Variants in CFAP299 observed in about 807,000 individuals in gnomAD.
CFAP299 encodes cilia and flagella associated protein 299, also known as cilia- and flagella-associated protein 299.
Under a neutral mutation model 27.0 loss-of-function variants are expected in CFAP299, and 21 were observed. The ratio of observed to expected loss-of-function variants is 0.78; its 90% CI spans 0.55 to 1.12. The LOEUF is 1.12. CFAP299 is among the 50% of genes most tolerant of loss of function. The pLI, the probability that CFAP299 is intolerant of heterozygous loss-of-function variation, is 0.00. For synonymous variants in CFAP299, 104 were observed against 98.1 expected, an observed-to-expected ratio of 1.06 and a Z score of -0.36; for missense variants, 310 against 276.6, an observed-to-expected ratio of 1.12 and a Z score of -0.86.
intron 3 of CFAP299, among the ~76,000 whole-genome samples, chr4:80,792,669 T>G (rs1727638197): frequency 6.6e-6 from 1 of 152,152 alleles, no homozygotes; most frequent in Non-Finnish European, 1.5e-5. Flanking sequence ...TTTATATTCT[T>G]GCATCAACAA....
At chr4:80,343,050 A>G (rs1722531538) in intron 1 of CFAP299, among the ~76,000 whole-genome samples, 1 of 152,258 alleles carries the variant, frequency 6.6e-6, no homozygotes, top group South Asian at 2.1e-4. Flanking sequence ...AGCAGACTTT[A>G]AAACAACAAA....
At chr4:80,410,417 G>A (rs1269093962) in intron 2 of CFAP299, among the ~76,000 whole-genome samples, 1 of 152,200 alleles carries the variant, frequency 6.6e-6, no homozygotes. Context: ...CTATGCATGT[G>A]TTTTTCACCC....
chr4:80,350,552 T>C (rs191039926), intron 1 of CFAP299, among the ~76,000 whole-genome samples: 221 of 152,198 alleles, frequency 1.5e-3, no homozygotes, highest in African/African-American at 4.9e-3. Flanking sequence ...ACCAATGATA[T>C]ACTGGATAAA....
chr4:80,751,095 T>C (rs1724904473), intron 3 of CFAP299, among the ~76,000 whole-genome samples: 1 of 152,160 alleles, frequency 6.6e-6, no homozygotes, highest in Non-Finnish European at 1.5e-5. Context: ...AGAAACACAC[T>C]CTGACTTTTT....
intron 2 of CFAP299, among the ~76,000 whole-genome samples, chr4:80,374,831 C>A (rs1724324665): frequency 6.6e-6 from 1 of 151,976 alleles, no homozygotes; most frequent in Non-Finnish European, 1.5e-5. Context: ...TAGGGAATTC[C>A]CCTTCAGTGG....
At chr4:80,777,100 G>T (rs1419635031) in intron 3 of CFAP299, among the ~76,000 whole-genome samples, 2 of 151,972 alleles carry the variant, frequency 1.3e-5, no homozygotes, top group African/African-American at 2.4e-5. Context: ...TCCCCAGATT[G>T]CAGTTTTCAG....
At chr4:80,784,014 A>G (rs1050450860) in intron 3 of CFAP299, among the ~76,000 whole-genome samples, 1 of 151,154 alleles carries the variant, frequency 6.6e-6, no homozygotes, top group Non-Finnish European at 1.5e-5. Flanking sequence ...TGTCTGGCTT[A>G]TTTCACTTTG....
At chr4:80,913,458 G>C (rs1438108647) in intron 4 of CFAP299, among the ~76,000 whole-genome samples, 1 of 152,154 alleles carries the variant, frequency 6.6e-6, no homozygotes. Context: ...CTTCATTGCA[G>C]CTAGGATTCC....
the CFAP299 span, among the ~76,000 whole-genome samples, chr4:80,324,201 G>A: frequency 1.3e-5 from 2 of 151,924 alleles, no homozygotes; most frequent in South Asian, 2.1e-4. Flanking sequence ...GTGAAGAAAC[G>A]ATATTCTTAA....
At chr4:80,800,557 T>TTATATAATATATTAATATAAATATATAA (rs1191600913) in intron 3 of CFAP299, among the ~76,000 whole-genome samples, 24 of 37,804 alleles carry the variant, frequency 6.3e-4, no homozygotes, top group African/African-American at 3.9e-3. Flanking sequence ...TATCAATATA[T>TTATATAATATATTAATATAAATATATAA]TATATAATAT....
chr4:80,448,733 A>G (rs950092464), intron 2 of CFAP299, among the ~76,000 whole-genome samples: 1 of 152,180 alleles, frequency 6.6e-6, no homozygotes, highest in South Asian at 2.1e-4. Flanking sequence ...CTCTGAACTC[A>G]ATTTCAACAG....
At chr4:80,544,963 A>G (rs962426538) in intron 2 of CFAP299, among the ~76,000 whole-genome samples, 2 of 152,238 alleles carry the variant, frequency 1.3e-5, no homozygotes, top group African/African-American at 4.8e-5. Context: ...ATGCTTGGCC[A>G]TAAAGCAAGT....
chr4:80,484,167 A>G (rs1256642412), intron 2 of CFAP299, among the ~76,000 whole-genome samples: 3 of 152,204 alleles, frequency 2.0e-5, no homozygotes, highest in East Asian at 1.9e-4. Flanking sequence ...GGAAATATTT[A>G]TAGGAAGTTA....
intron 3 of CFAP299, among the ~76,000 whole-genome samples, chr4:80,603,520 A>G (rs1577920864): frequency 6.6e-6 from 1 of 152,208 alleles, no homozygotes; most frequent in Non-Finnish European, 1.5e-5. Context: ...ACATTGTACT[A>G]TTAGCAGGAG....
upstream of CFAP299, among the ~76,000 whole-genome samples, chr4:80,333,435 T>C (rs925812974): frequency 1.3e-5 from 2 of 152,200 alleles, no homozygotes; most frequent in Non-Finnish European, 2.9e-5. Flanking sequence ...TGATAACATA[T>C]TAATAGAACG....
intron 2 of CFAP299, among the ~76,000 whole-genome samples, chr4:80,364,128 T>C (rs1028303684): frequency 5.9e-5 from 1 of 16,832 alleles, no homozygotes; most frequent in African/African-American, 3.4e-4. Context: ...ATTTCTTTGT[T>C]CATTGTTCTG....
chr4:80,912,522 T>C (rs1735528759), intron 4 of CFAP299, among the ~76,000 whole-genome samples: 1 of 152,188 alleles, frequency 6.6e-6, no homozygotes, highest in African/African-American at 2.4e-5. Context: ...TCTGGGCTAC[T>C]GTCTCCCTCA....
intron 3 of CFAP299, among the ~76,000 whole-genome samples, chr4:80,644,388 T>A (rs1577968834): frequency 1.3e-5 from 2 of 152,174 alleles, no homozygotes; most frequent in Non-Finnish European, 2.9e-5. Flanking sequence ...TACACTTTTT[T>A]AAATTCAAGA....
intron 4 of CFAP299, among the ~76,000 whole-genome samples, chr4:80,925,556 G>T (rs1736266138): frequency 6.6e-6 from 1 of 152,028 alleles, no homozygotes; most frequent in Non-Finnish European, 1.5e-5. Context: ...TCTTAAAAGT[G>T]ACAACCCATA....
Sources: gnomAD v4.1 joint callset for allele counts (sites outside exome capture counted in the v4.1 genomes callset) on GRCh38, gnomAD v4.1.1 for gene constraint, MANE v1.5 for transcripts, NCBI Gene and HGNC (gene_info 2026-07-23, HGNC 2026-07-21) for gene names.